Variants in HPS5 observed in about 807,000 individuals in gnomAD.
HPS5 encodes the protein BLOC-2 complex member HPS5.
In HPS5, 83 loss-of-function variants were observed where a neutral mutation model predicts 128.0. The ratio of observed to expected loss-of-function variants is 0.65; its 90% CI spans 0.54 to 0.78. HPS5 has a LOEUF of 0.78. HPS5 is among the 30% of genes least tolerant of loss of function. The pLI is 0.00. For missense variants in HPS5, 1,281 were observed against 1,326.2 expected (o/e 0.97, Z 0.53); for synonymous variants, 475 against 470.2 (o/e 1.01, Z -0.13).
In HPS5 at chr11:18,298,806, C is replaced by G. The variant is rs1490759456; in HGVS notation, c.1150G>C (p.Val384Leu). 1 of 1,614,140 alleles carries G rather than the reference C, an allele frequency of 6.2e-7. No homozygotes were observed. The part of the protein sequence containing the change: ...ARTCCLFQNS[V>L]IASRARKTLT... ...CTCTGACTCACTCTGCTGGCAATGA[C>G]AGAATTTTGGAAAAGACAGCATGTA... The change falls in exon 10 of 23, where the codon GTC becomes CTC. Residue 384 changes from valine to leucine, a missense_variant. Val to Leu is a conservative substitution (Grantham distance 32). Transcript: ENST00000349215.
intron 1 of HPS5, among the ~76,000 whole-genome samples, chr11:18,318,507 G>T (rs1863906366): frequency 6.6e-6 from 1 of 152,124 alleles, no homozygotes; most frequent in Non-Finnish European, 1.5e-5. Flanking sequence ...TTCAACAAAA[G>T]AGACTAGATA....
intron 12 of HPS5, 108 bp downstream of exon 12, chr11:18,296,690 A>G: frequency 1.9e-6 from 2 of 1,026,950 alleles, no homozygotes; most frequent in Non-Finnish European, 3.1e-6. Context: ...ACATGTTAAA[A>G]ATTATTAACA....
intron 16 of HPS5, among the ~76,000 whole-genome samples, chr11:18,291,171 T>C (rs376854263): frequency 1.3e-5 from 2 of 152,120 alleles, no homozygotes; most frequent in African/African-American, 4.8e-5. Flanking sequence ...TGAGCCAAGA[T>C]GGCGCCACTG....
At chr11:18,311,853 G>A in intron 3 of HPS5, 61 bp downstream of exon 3, 1 of 1,103,860 alleles carries the variant, frequency 9.1e-7, no homozygotes, top group African/African-American at 1.5e-5. Context: ...TTATATTGGA[G>A]AAATTTGCAT....
rs763607875 is a variant in HPS5 at position 18,305,510 on chromosome 11, T to C, written c.825-17A>G. 2.6e-6 allele frequency: 4 copies of C among 1,550,286 alleles called. No homozygotes were observed. The highest frequency in any genetic ancestry group is 3.6e-6 in the Non-Finnish European group (4 of 1,122,618). On this transcript the variant is annotated splice_polypyrimidine_tract_variant and intron_variant, in intron 7 of 22. Transcript: ENST00000349215. Reference sequence around the variant, plus strand: ...GGTTCTGATCTAGAAAGTAAACACATCTGTTAATGAGTTTATCTGTTAAAA... The same window carrying C: ...GGTTCTGATCTAGAAAGTAAACACACCTGTTAATGAGTTTATCTGTTAAAA...
At chr11:18,302,574 G>A (rs1379826462) in intron 8 of HPS5, among the ~76,000 whole-genome samples, 1 of 152,002 alleles carries the variant, frequency 6.6e-6, no homozygotes, top group Non-Finnish European at 1.5e-5. Context: ...CTGAAGAACA[G>A]GGACTATATT....
At position 18,297,728 on chromosome 11, in the gene HPS5, A is replaced by C. The variant is rs1488219620; in HGVS notation, c.1165-11T>G. 2.5e-6 allele frequency: 4 copies of C among 1,612,522 alleles called. No individual in the cohort carries two copies. The highest frequency in any genetic ancestry group is 3.4e-6 in the Non-Finnish European group (4 of 1,178,898). On this transcript the variant is annotated splice_polypyrimidine_tract_variant and intron_variant, in intron 10 of 22. Transcript: ENST00000349215. ...CAAAGTTTTTCTTGCCTAATAAAAC[A>C]ACAGCGCAATGGAATAGCTATTTGT...
chr11:18,306,150 G>A lies in HPS5; in HGVS notation c.809C>T (p.Pro270Leu). 6.2e-7 allele frequency: 1 copy of A among 1,611,138 alleles called. No homozygotes were observed. The highest frequency in any genetic ancestry group is 8.5e-7 in the Non-Finnish European group (1 of 1,177,286). ...FKKLLSLPPL[P>L]VITLRSEPQY... is the part of the protein sequence containing the mutation. ...AAATCGTTACCTGAGAGTAATCACAGGGAGAGGTGGCAACGAGAGGAGTTT... is the reference window on the plus strand; with the variant it reads ...AAATCGTTACCTGAGAGTAATCACAAGGAGAGGTGGCAACGAGAGGAGTTT... Residue 270 changes from proline to leucine, a missense_variant, in exon 7 of 23, where the codon CCT (proline) becomes CTT (leucine). By Grantham distance (98) the Pro-to-Leu change is moderately conservative. Transcript: ENST00000349215.
chr11:18,317,693 G>A, intron 2 of HPS5, 58 bp downstream of exon 2: 1 of 1,538,204 alleles, frequency 6.5e-7, no homozygotes, highest in Non-Finnish European at 8.9e-7. Flanking sequence ...TGGAGGGTAG[G>A]GGCACAGTAA....
intron 14 of HPS5, 102 bp from the exon 15 acceptor site, chr11:18,293,078 G>T: frequency 1.1e-6 from 1 of 889,310 alleles, no homozygotes; most frequent in Non-Finnish European, 1.9e-6. Context: ...CTGCAGTGCA[G>T]TGACGTGATC....
chr11:18,283,762 A>AT (rs1859333289), intron 21 of HPS5, 33 bp downstream of exon 21: 2 of 1,507,638 alleles, frequency 1.3e-6, no homozygotes, highest in Non-Finnish European at 1.8e-6. Flanking sequence ...CTAAAAATTG[A>AT]CAACCAAGAG....
At chr11:18,315,399 G>A (rs1300100782) in intron 2 of HPS5, among the ~76,000 whole-genome samples, 1 of 152,142 alleles carries the variant, frequency 6.6e-6, no homozygotes, top group Non-Finnish European at 1.5e-5. Flanking sequence ...GATTGTCTGA[G>A]GCTAGGAGTT....
chr11:18,279,227 T>C lies in HPS5; in HGVS notation c.*655A>G, dbSNP rs886048073. Reference sequence around the variant, plus strand: ...TTTTTTTATTTTTTGTAGAGATGCATTCTCACTATGTTGCCCAGGCTGGTC... The same window carrying C: ...TTTTTTTATTTTTTGTAGAGATGCACTCTCACTATGTTGCCCAGGCTGGTC... On this transcript the variant is annotated 3_prime_UTR_variant, in exon 23 of 23. Transcript: ENST00000349215. 6.6e-6 allele frequency: 1 copy of C among 152,450 alleles called. No individual in the cohort carries two copies. Among genetic ancestry groups the C allele is most frequent in the Admixed American group, 6.5e-5 (1 of 15,276 alleles). The allele number at this position is 152,450 out of a possible 1,614,324, so 9.4% of individuals were successfully genotyped here. A position where few individuals can be genotyped will look rare whatever the true frequency, so the allele number is the denominator to read the frequency against.
intron 16 of HPS5, among the ~76,000 whole-genome samples, chr11:18,290,493 A>G (rs1248352384): frequency 6.6e-6 from 1 of 152,224 alleles, no homozygotes; most frequent in Non-Finnish European, 1.5e-5. Flanking sequence ...TACCCCATAT[A>G]GTATTTCTGT....
chr11:18,299,659 T>C (rs903833389), intron 9 of HPS5, among the ~76,000 whole-genome samples: 2 of 152,232 alleles, frequency 1.3e-5, no homozygotes, highest in Non-Finnish European at 1.5e-5. Flanking sequence ...CAGTCACATA[T>C]GATGGCTGTT....
chr11:18,280,638 A>T lies in HPS5; in HGVS notation c.3330-696T>A, dbSNP rs1476929633. 5.8e-6 allele frequency: 4 copies of T among 691,452 alleles called. No homozygotes were observed. In the Admixed American group the frequency reaches 8.3e-5, roughly 14 times the overall value. The allele number at this position is 691,452 out of a possible 1,614,324, so 42.8% of individuals were successfully genotyped here. On this transcript the variant is annotated intron_variant, in intron 22 of 22. Transcript: ENST00000349215. The stretch of plus-strand genomic sequence containing the variant: ...ATAGCCAGAAAGTGGAAGCAATTCA[A>T]GTGTCTGTCAACAGATGAATGGATA...
At chr11:18,315,942 T>TA (rs1425788090) in intron 2 of HPS5, among the ~76,000 whole-genome samples, 15 of 152,186 alleles carry the variant, frequency 9.9e-5, no homozygotes, top group African/African-American at 3.6e-4. Flanking sequence ...ACATTCTCCA[T>TA]ATCCCCACTT....
intron 5 of HPS5, among the ~76,000 whole-genome samples, chr11:18,309,804 C>T (rs747089243): frequency 6.6e-6 from 1 of 152,178 alleles, no homozygotes; most frequent in East Asian, 1.9e-4. Context: ...AGTCCGAGAC[C>T]AGCCTGGGCA....
Position 18,282,065 on chromosome 11 carries a change from C to G in HPS5, c.3214G>C (p.Ala1072Pro). 1 of 1,614,218 alleles carries G rather than the reference C, an allele frequency of 6.2e-7. No homozygotes were observed. Among genetic ancestry groups the G allele is most frequent in the Non-Finnish European group, 8.5e-7 (1 of 1,180,040 alleles). The part of the protein sequence containing the change: ...VENVALLLAK[A>P]MGPDRAWSLL... ...GACCAAGCCCGATCTGGGCCCATGG[C>G]CTTAGCTAACAGAAGTGCCACATTC... The change falls in exon 22 of 23, where the codon GCC becomes CCC. Residue 1072 changes from alanine to proline, a missense_variant. By Grantham distance (27) the Ala-to-Pro change is conservative. Coordinates refer to ENST00000349215, the MANE Select transcript of HPS5 (RefSeq NM_181507.2).
Sources: allele counts gnomAD v4.1 joint callset (sites outside exome capture counted in the v4.1 genomes callset), GRCh38; gene constraint gnomAD v4.1.1; transcripts MANE v1.5; gene names NCBI Gene and HGNC (gene_info 2026-07-23, HGNC 2026-07-21).